Variants in OR2L3 observed in about 807,000 individuals in gnomAD.
OR2L3 encodes the protein olfactory receptor family 2 subfamily L member 3.
For missense variants in OR2L3, 369 were observed against 376.6 expected (o/e 0.98, Z 0.17); for synonymous variants, 131 against 139.1 (o/e 0.94, Z 0.41).
chr1:248,058,317 A>G (rs1408525860), intron 1 of OR2L3, among the ~76,000 whole-genome samples: 1 of 152,058 alleles, frequency 6.6e-6, no homozygotes, highest in African/African-American at 2.4e-5. Context: ...GATTTTCTAT[A>G]TCTCAAATAT....
chr1:248,053,134 A>G (rs1395021688), intron 1 of OR2L3, among the ~76,000 whole-genome samples: 1 of 151,974 alleles, frequency 6.6e-6, no homozygotes, highest in Non-Finnish European at 1.5e-5. Flanking sequence ...GGCCCCAGTA[A>G]GTGTTGTTCT....
Position 248,060,693 on chromosome 1 carries a change from C to G in OR2L3, c.12C>G (p.Tyr4Ter). MEN[Y>*]NQTSTDFILL... is the part of the protein sequence containing the mutation. ...CACACGAATGCCCCATGGAAAATTA[C>G]AATCAAACATCAACTGATTTCATCT... Residue 4 changes from tyrosine to a stop codon, truncating the protein, a stop_gained, in exon 2 of 2, where the codon TAC becomes TAG. Coordinates refer to ENST00000359959, the MANE Select transcript of OR2L3 (RefSeq NM_001004687.2). LOFTEE classifies it low-confidence loss of function (END_TRUNC). The G allele has an allele frequency of 6.2e-7, 1 of 1,611,996 alleles. No individual in the cohort carries two copies. The highest frequency in any genetic ancestry group is 8.5e-7 in the Non-Finnish European group (1 of 1,178,546).
At chr1:248,052,572 C>CA (rs567666101) in intron 1 of OR2L3, among the ~76,000 whole-genome samples, 13 of 150,916 alleles carry the variant, frequency 8.6e-5, no homozygotes, top group East Asian at 3.9e-4. Flanking sequence ...ACTAAAAATA[C>CA]AAAAAAAAAT....
At chr1:248,048,342 T>G (rs1375594601) in intron 1 of OR2L3, among the ~76,000 whole-genome samples, 6 of 152,226 alleles carry the variant, frequency 3.9e-5, no homozygotes, top group African/African-American at 1.4e-4. Flanking sequence ...GTGTAAATAT[T>G]AAATAAGATC....
intron 1 of OR2L3, among the ~76,000 whole-genome samples, chr1:248,058,697 C>A (rs1021743155): frequency 2.6e-5 from 4 of 151,640 alleles, no homozygotes; most frequent in African/African-American, 9.7e-5. Flanking sequence ...AATTTGCATG[C>A]CATTTGAATA....
rs775038103 is a variant in OR2L3, at chr1:248,061,665, C to T, written c.*45C>T. On this transcript the variant is annotated 3_prime_UTR_variant, in exon 2 of 2. Coordinates refer to ENST00000359959, the MANE Select transcript of OR2L3 (RefSeq NM_001004687.2). ...TCTCAGGACTCAGATACACATCCAT[C>T]CAGCAGTGTATAGTAATTAAAATAT... is the stretch of plus-strand genomic sequence containing the variant. 40 of 1,480,570 alleles carry T rather than the reference C, an allele frequency of 2.7e-5. No homozygotes were observed. Among genetic ancestry groups the T allele is most frequent in the Admixed American group, 1.1e-4 (6 of 52,636 alleles). The allele number at this position is 1,480,570 out of a possible 1,614,324, so 91.7% of individuals were successfully genotyped here.
chr1:248,048,950 C>T (rs1362811260), intron 1 of OR2L3, among the ~76,000 whole-genome samples: 3 of 149,110 alleles, frequency 2.0e-5, no homozygotes, highest in East Asian at 2.0e-4. Flanking sequence ...TAAATCCACA[C>T]GTTTTCTGCA....
chr1:248,060,284 CAA>C (rs1017640331), intron 1 of OR2L3, among the ~76,000 whole-genome samples: 1 of 151,938 alleles, frequency 6.6e-6, no homozygotes, highest in African/African-American at 2.4e-5. Context: ...TATCTGGTAA[CAA>C]ATGTTGGTAT....
chr1:248,051,135 C>T (rs920409917), intron 1 of OR2L3: 2 of 152,210 alleles, frequency 1.3e-5, no homozygotes, highest in Admixed American at 6.5e-5. Context: ...CCAACTAACA[C>T]TTTGTTTTTG....
chr1:248,050,064 G>C (rs1033449317), intron 1 of OR2L3, among the ~76,000 whole-genome samples: 6 of 152,150 alleles, frequency 3.9e-5, no homozygotes, highest in Non-Finnish European at 7.3e-5. Context: ...AACGAATCCT[G>C]TGACGTTCCA....
chr1:248,061,548 T>C lies in OR2L3; in HGVS notation c.867T>C (p.Tyr289=), dbSNP rs745972683. Residue 289 remains tyrosine (Y), a synonymous_variant, in exon 2 of 2, where the codon TAT becomes TAC. Coordinates refer to ENST00000359959, the MANE Select transcript of OR2L3 (RefSeq NM_001004687.2). ...TLTPMLNPII[Y]SLRNKEVMGA... ...CTCCAATGCTCAACCCCATCATCTATAGCCTGAGGAACAAGGAGGTGATGG... is the reference window on the plus strand; with the variant it reads ...CTCCAATGCTCAACCCCATCATCTACAGCCTGAGGAACAAGGAGGTGATGG... 5.0e-6 allele frequency: 8 copies of C among 1,613,554 alleles called. No individual in the cohort carries two copies. Among genetic ancestry groups the C allele is most frequent in the African/African-American group, 1.3e-5 (1 of 74,856 alleles).
At chr1:248,058,199 A>G (rs1303483875) in intron 1 of OR2L3, among the ~76,000 whole-genome samples, 2 of 152,262 alleles carry the variant, frequency 1.3e-5, no homozygotes, top group Non-Finnish European at 1.5e-5. Context: ...TGTTAGAAAC[A>G]TAACAAACTC....
chr1:248,050,224 C>T (rs1251348083), intron 1 of OR2L3, among the ~76,000 whole-genome samples: 1 of 151,422 alleles, frequency 6.6e-6, no homozygotes, highest in African/African-American at 2.4e-5. Context: ...CCTGTGTATT[C>T]TGTCATTAAT....
chr1:248,063,072 A>G lies in OR2L3; in HGVS notation c.*1452A>G, dbSNP rs1378543852. ...CTTTTTATTCTACAGTGCTTTGACTATTTGGGTTCTTTAATAGTTCCATAC... is the reference window on the plus strand; with the variant it reads ...CTTTTTATTCTACAGTGCTTTGACTGTTTGGGTTCTTTAATAGTTCCATAC... On this transcript the variant is annotated 3_prime_UTR_variant, in exon 2 of 2. Transcript: ENST00000359959. 3.3e-5 allele frequency: 5 copies of G among 152,164 alleles called. No individual in the cohort carries two copies. Among genetic ancestry groups the G allele is most frequent in the Non-Finnish European group, 7.4e-5 (5 of 68,018 alleles). The allele number at this position is 152,164 out of a possible 1,614,324, so 9.4% of individuals were successfully genotyped here.
chr1:248,047,723 A>G (rs1663123938), intron 1 of OR2L3, among the ~76,000 whole-genome samples: 1 of 152,198 alleles, frequency 6.6e-6, no homozygotes, highest in Admixed American at 6.5e-5. Flanking sequence ...TGAGCATAGT[A>G]TGTGGAAACA....
intron 1 of OR2L3, among the ~76,000 whole-genome samples, chr1:248,051,710 C>T (rs189826737): frequency 2.1e-3 from 323 of 152,128 alleles, no homozygotes; most frequent in Non-Finnish European, 2.3e-3. Context: ...TAACAAACCA[C>T]GATTGTACTC....
chr1:248,060,664 A>T lies in OR2L3; in HGVS notation c.-18A>T. 1 of 1,590,202 alleles carries T rather than the reference A, an allele frequency of 6.3e-7. No homozygotes were observed. Among genetic ancestry groups the T allele is most frequent in the Non-Finnish European group, 8.6e-7 (1 of 1,163,040 alleles). On this transcript the variant is annotated 5_prime_UTR_variant, in exon 2 of 2. In the 5' UTR this introduces an upstream ATG that the reference lacks. Transcript: ENST00000359959. Reference sequence around the variant, plus strand: ...TTACCCTTGTGTCTCCCTTCAGGAAAGAGCACACGAATGCCCCATGGAAAA... The same window carrying T: ...TTACCCTTGTGTCTCCCTTCAGGAATGAGCACACGAATGCCCCATGGAAAA...
rs1472304798 is a variant in OR2L3 at position 248,060,735 on chromosome 1, A to G, written c.54A>G (p.Pro18=). ...STDFILLGFF[P]PSRIGLFLFI... ...ATTTCATCTTATTAGGATTCTTCCC[A>G]CCATCAAGAATTGGCCTTTTCCTCT... Residue 18 remains proline, a synonymous_variant, in exon 2 of 2, where the codon CCA becomes CCG. Transcript: ENST00000359959. 9 of 1,613,966 alleles carry G rather than the reference A, an allele frequency of 5.6e-6. No homozygotes were observed. The highest frequency in any genetic ancestry group is 1.3e-5 in the African/African-American group (1 of 74,924).
At chr1:248,049,030 T>A (rs1260036235) in intron 1 of OR2L3, among the ~76,000 whole-genome samples, 1 of 151,978 alleles carries the variant, frequency 6.6e-6, no homozygotes, top group African/African-American at 2.4e-5. Flanking sequence ...ATTTTTTCTT[T>A]GAGAATAGCT....
Sources: gnomAD v4.1 joint callset for allele counts (sites outside exome capture counted in the v4.1 genomes callset) on GRCh38, gnomAD v4.1.1 for gene constraint, MANE v1.5 for transcripts, NCBI Gene and HGNC (gene_info 2026-07-23, HGNC 2026-07-21) for gene names.